STAC: variants seen among roughly 807,000 people sequenced by gnomAD.
STAC encodes the protein SH3 and cysteine rich domain.
In STAC, 43 loss-of-function variants were observed where a neutral mutation model predicts 48.8. The ratio of observed to expected loss-of-function variants is 0.88; its 90% CI spans 0.69 to 1.14. The LOEUF is 1.14. Ranked by LOEUF, STAC falls within the 50% of genes most tolerant of loss-of-function variation. The probability of loss-of-function intolerance (pLI) is 0.00; values close to 1 mark genes in which losing one functional copy is unlikely to be tolerated. For synonymous variants in STAC, 193 were observed against 179.5 expected (o/e 1.07, Z -0.60); for missense variants, 497 against 504.0 (o/e 0.99, Z 0.13).
intron 1 of STAC, among the ~76,000 whole-genome samples, chr3:36,438,183 C>T (rs953251510): frequency 2.0e-5 from 3 of 152,236 alleles, no homozygotes; most frequent in Admixed American, 6.5e-5. Context: ...GTGATCCGCC[C>T]ACCTCCCTAA....
At chr3:36,423,712 T>G (rs951451443) in intron 1 of STAC, among the ~76,000 whole-genome samples, 2 of 152,146 alleles carry the variant, frequency 1.3e-5, no homozygotes, top group Non-Finnish European at 2.9e-5. Context: ...CATGTGTGTA[T>G]CATTATTAAT....
At chr3:36,473,824 C>T (rs568862771) in intron 2 of STAC, among the ~76,000 whole-genome samples, 18 of 152,092 alleles carry the variant, frequency 1.2e-4, no homozygotes, top group South Asian at 6.2e-4. Context: ...CTTCACTCTT[C>T]GAAGCTTTTA....
At chr3:36,472,581 G>T (rs1697371041) in intron 2 of STAC, among the ~76,000 whole-genome samples, 1 of 152,212 alleles carries the variant, frequency 6.6e-6, no homozygotes, top group Non-Finnish European at 1.5e-5. Flanking sequence ...ATGCTTTGCT[G>T]CTTAGAAACT....
intron 1 of STAC, among the ~76,000 whole-genome samples, chr3:36,434,885 A>C (rs1700792396): frequency 6.6e-6 from 1 of 152,230 alleles, no homozygotes; most frequent in African/African-American, 2.4e-5. Flanking sequence ...CCTGGCAACC[A>C]CATGGATTAT....
intron 8 of STAC, among the ~76,000 whole-genome samples, chr3:36,522,059 A>G (rs755634531): frequency 2.6e-5 from 4 of 152,128 alleles, no homozygotes; most frequent in Admixed American, 6.5e-5. Flanking sequence ...TTGCACTCCA[A>G]CCTGGACAAC....
intron 1 of STAC, among the ~76,000 whole-genome samples, chr3:36,429,331 T>G (rs992882451): frequency 7.2e-5 from 11 of 152,160 alleles, no homozygotes; most frequent in African/African-American, 2.7e-4. Context: ...CAGATCCCAC[T>G]ATGAACCTCT....
At chr3:36,504,176 G>A (rs140541398) in intron 6 of STAC, among the ~76,000 whole-genome samples, 175 of 152,300 alleles carry the variant, frequency 1.1e-3, no homozygotes, top group African/African-American at 3.9e-3. Context: ...AAAAGTTGTG[G>A]GAGCACAGAG....
intron 1 of STAC, among the ~76,000 whole-genome samples, chr3:36,394,722 C>T (rs1370438635): frequency 6.6e-6 from 1 of 151,966 alleles, no homozygotes; most frequent in Non-Finnish European, 1.5e-5. Context: ...CATGGCAAAA[C>T]TCTGTATCTA....
At chr3:36,501,708 C>T (rs1391651265) in intron 6 of STAC, among the ~76,000 whole-genome samples, 2 of 151,976 alleles carry the variant, frequency 1.3e-5, no homozygotes, top group South Asian at 2.1e-4. Flanking sequence ...GTAAATTCTA[C>T]GAAACATTTA....
At chr3:36,464,262 A>G (rs910331807) in intron 2 of STAC, among the ~76,000 whole-genome samples, 5 of 152,072 alleles carry the variant, frequency 3.3e-5, no homozygotes, top group African/African-American at 4.8e-5. Context: ...CATTTCTCTG[A>G]TGGCCAGTGA....
At chr3:36,494,106 C>T (rs1321782662) in intron 6 of STAC, among the ~76,000 whole-genome samples, 2 of 142,788 alleles carry the variant, frequency 1.4e-5, no homozygotes, top group South Asian at 2.3e-4. Flanking sequence ...GAGCCGAGAT[C>T]GCGCCACTGC....
intron 10 of STAC, among the ~76,000 whole-genome samples, chr3:36,535,063 G>A (rs1468376697): frequency 6.6e-6 from 1 of 152,040 alleles, no homozygotes; most frequent in Non-Finnish European, 1.5e-5. Flanking sequence ...TTACTTTGGG[G>A]AGTATGGCCA....
chr3:36,493,444 T>C (rs1698048619), intron 6 of STAC, among the ~76,000 whole-genome samples: 1 of 152,080 alleles, frequency 6.6e-6, no homozygotes, highest in Non-Finnish European at 1.5e-5. Flanking sequence ...TGAGTTCTCA[T>C]ACTTTATGAG....
chr3:36,448,739 G>A (rs1383971259), intron 2 of STAC, among the ~76,000 whole-genome samples: 1 of 152,024 alleles, frequency 6.6e-6, no homozygotes, highest in East Asian at 1.9e-4. Context: ...GATACTGTGA[G>A]GCAGAGTTCA....
chr3:36,438,538 A>G (rs1161864982), intron 1 of STAC, among the ~76,000 whole-genome samples: 1 of 152,208 alleles, frequency 6.6e-6, no homozygotes. Context: ...CTTTGAGTTC[A>G]TGTCTGGGGC....
intron 8 of STAC, among the ~76,000 whole-genome samples, chr3:36,514,865 T>C (rs1698632605): frequency 1.3e-5 from 2 of 151,844 alleles, no homozygotes; most frequent in South Asian, 4.2e-4. Flanking sequence ...TGACACCCCG[T>C]CTCTATTAAA....
At chr3:36,482,274 G>A (rs1697669561) in intron 2 of STAC, among the ~76,000 whole-genome samples, 1 of 152,130 alleles carries the variant, frequency 6.6e-6, no homozygotes, top group Admixed American at 6.5e-5. Context: ...CCCACACCCT[G>A]CCCTCTTATT....
At chr3:36,503,469 C>T (rs368310214) in intron 6 of STAC, among the ~76,000 whole-genome samples, 286 of 152,224 alleles carry the variant, frequency 1.9e-3, no homozygotes, top group African/African-American at 6.5e-3. Flanking sequence ...CTCACTCTAT[C>T]ACCCAGGCTG....
intron 1 of STAC, among the ~76,000 whole-genome samples, chr3:36,440,794 C>T (rs2125663129): frequency 6.6e-6 from 1 of 152,256 alleles, no homozygotes; most frequent in Admixed American, 6.5e-5. Context: ...TGAAGTGGAA[C>T]TTAGGGGGTT....
Sources: allele counts gnomAD v4.1 joint callset (sites outside exome capture counted in the v4.1 genomes callset), GRCh38; gene constraint gnomAD v4.1.1; transcripts MANE v1.5; gene names NCBI Gene and HGNC (gene_info 2026-07-23, HGNC 2026-07-21).